CCDC7: variants seen among roughly 807,000 people sequenced by gnomAD.
CCDC7 encodes the protein coiled-coil domain containing 7, also known as coiled-coil domain-containing protein 7.
CCDC7 carries 183 observed loss-of-function variants against 196.9 expected under a neutral mutation model. The observed-to-expected ratio is 0.93, with a 90% CI of 0.82 to 1.05. CCDC7 has a LOEUF of 1.05. Among genes scored for constraint, CCDC7 ranks in the 50% least tolerant of loss-of-function variants. The pLI is 0.00. For synonymous variants in CCDC7, 525 were observed against 484.6 expected (o/e 1.08, Z -1.10); for missense variants, 1,540 against 1,482.2 (o/e 1.04, Z -0.64).
chr10:32,658,041 T>C (rs992615367), intron 20 of CCDC7, among the ~76,000 whole-genome samples: 3 of 152,220 alleles, frequency 2.0e-5, no homozygotes, highest in Non-Finnish European at 4.4e-5. Context: ...CAGGCTGGAC[T>C]TCATTGTCCA....
At chr10:32,699,159 T>G (rs1230918607) in intron 24 of CCDC7, among the ~76,000 whole-genome samples, 1 of 151,712 alleles carries the variant, frequency 6.6e-6, no homozygotes, top group Non-Finnish European at 1.5e-5. Flanking sequence ...ACCCATTAAC[T>G]CATCATTTAA....
At chr10:32,847,511 T>C (rs1441740550) in intron 37 of CCDC7, among the ~76,000 whole-genome samples, 1 of 151,954 alleles carries the variant, frequency 6.6e-6, no homozygotes, top group Non-Finnish European at 1.5e-5. Flanking sequence ...GCAAATAATA[T>C]AGAAATTTCA....
chr10:32,668,418 T>C (rs917417432), intron 21 of CCDC7, among the ~76,000 whole-genome samples: 2 of 151,854 alleles, frequency 1.3e-5, no homozygotes, highest in Admixed American at 1.3e-4. Flanking sequence ...TGGATAGGAG[T>C]GGTGAGAGAG....
intron 31 of CCDC7, among the ~76,000 whole-genome samples, chr10:32,819,007 A>C (rs1482431957): frequency 1.3e-5 from 2 of 152,202 alleles, no homozygotes; most frequent in Non-Finnish European, 2.9e-5. Context: ...ACCCTTCAAA[A>C]AAATCAATGA....
chr10:32,539,345 G>A (rs1432625870), intron 11 of CCDC7, among the ~76,000 whole-genome samples: 1 of 151,972 alleles, frequency 6.6e-6, no homozygotes, highest in African/African-American at 2.4e-5. Context: ...TTCTGATGGT[G>A]ATTTGTATTT....
chr10:32,778,613 T>C (rs768520096), intron 28 of CCDC7, among the ~76,000 whole-genome samples: 25 of 152,226 alleles, frequency 1.6e-4, no homozygotes, highest in Non-Finnish European at 3.4e-4. Context: ...TCAGGTAGTA[T>C]GATGCCTTCA....
At chr10:32,849,701 CAAAA>C (rs34677799) in intron 39 of CCDC7, among the ~76,000 whole-genome samples, 2 of 80,818 alleles carry the variant, frequency 2.5e-5, no homozygotes, top group African/African-American at 1.1e-4. Context: ...GACTCCGTCT[CAAAA>C]AAAAAAAAAA....
intron 21 of CCDC7, among the ~76,000 whole-genome samples, chr10:32,667,339 A>G (rs2073009610): frequency 6.6e-6 from 1 of 152,112 alleles, no homozygotes; most frequent in South Asian, 2.1e-4. Context: ...CTCTGATGGT[A>G]GTTTCTTTTG....
At chr10:32,808,773 C>T (rs1293942393) in intron 30 of CCDC7, among the ~76,000 whole-genome samples, 1 of 151,596 alleles carries the variant, frequency 6.6e-6, no homozygotes, top group Non-Finnish European at 1.5e-5. Context: ...CTAGCAACTA[C>T]AGCCTAAGTC....
At chr10:32,751,134 C>T (rs990791778) in intron 28 of CCDC7, among the ~76,000 whole-genome samples, 1 of 151,988 alleles carries the variant, frequency 6.6e-6, no homozygotes, top group Non-Finnish European at 1.5e-5. Flanking sequence ...ATTTTTTTAT[C>T]TGGTAAGGTA....
chr10:32,862,817 G>A (rs2094056161), intron 41 of CCDC7, among the ~76,000 whole-genome samples: 1 of 151,944 alleles, frequency 6.6e-6, no homozygotes, highest in Non-Finnish European at 1.5e-5. Flanking sequence ...AACTTTGCAG[G>A]ATACAAAATC....
intron 21 of CCDC7, among the ~76,000 whole-genome samples, chr10:32,680,309 T>A (rs2247648): frequency 6.6e-6 from 1 of 151,984 alleles, no homozygotes; most frequent in Admixed American, 6.5e-5. Flanking sequence ...CCATGAGGCC[T>A]TGGATAAGTC....
intron 8 of CCDC7, among the ~76,000 whole-genome samples, chr10:32,487,320 T>G (rs1261517878): frequency 6.6e-6 from 1 of 152,244 alleles, no homozygotes; most frequent in Non-Finnish European, 1.5e-5. Flanking sequence ...TTCTCGTGCC[T>G]TAGTTTTCAG....
At chr10:32,613,083 C>T (rs983115350) in intron 18 of CCDC7, among the ~76,000 whole-genome samples, 5 of 152,076 alleles carry the variant, frequency 3.3e-5, no homozygotes, top group Non-Finnish European at 5.9e-5. Context: ...CTATTAATTA[C>T]TGCCTCAATT....
intron 20 of CCDC7, among the ~76,000 whole-genome samples, chr10:32,660,227 A>G (rs2070993109): frequency 6.9e-6 from 1 of 145,050 alleles, no homozygotes; most frequent in Non-Finnish European, 1.5e-5. Flanking sequence ...TGCACCCACT[A>G]ACTCGTCATC....
At chr10:32,533,832 T>G (rs1316004003) in intron 11 of CCDC7, among the ~76,000 whole-genome samples, 1 of 151,942 alleles carries the variant, frequency 6.6e-6, no homozygotes, top group Non-Finnish European at 1.5e-5. Flanking sequence ...TAGGATTCTC[T>G]TTGTCCTTGA....
At chr10:32,858,191 C>T (rs2093829831) in intron 41 of CCDC7, among the ~76,000 whole-genome samples, 2 of 152,150 alleles carry the variant, frequency 1.3e-5, no homozygotes, top group Non-Finnish European at 2.9e-5. Flanking sequence ...AGCTTCACAC[C>T]TTCACATTTG....
chr10:32,683,155 TGA>T (rs1442989930), intron 21 of CCDC7, among the ~76,000 whole-genome samples: 1 of 152,226 alleles, frequency 6.6e-6, no homozygotes. Flanking sequence ...TAATTCATCT[TGA>T]GTTTATTTTT....
chr10:32,497,527 T>G (rs1158544745), intron 9 of CCDC7, among the ~76,000 whole-genome samples: 3 of 152,326 alleles, frequency 2.0e-5, no homozygotes, highest in African/African-American at 7.2e-5. Context: ...TTGTGGGCAT[T>G]TAGTGCTATA....
Sources: gnomAD v4.1 joint callset for allele counts (sites outside exome capture counted in the v4.1 genomes callset) on GRCh38, gnomAD v4.1.1 for gene constraint, MANE v1.5 for transcripts, NCBI Gene and HGNC (gene_info 2026-07-23, HGNC 2026-07-21) for gene names.